CDH2: variants seen among roughly 807,000 people sequenced by gnomAD.
The protein encoded by CDH2 is cadherin 2, also known as cadherin-2.
Under a neutral mutation model 92.0 loss-of-function variants are expected in CDH2, and 17 were observed. The ratio of observed to expected loss-of-function variants is 0.18; its 90% CI spans 0.13 to 0.28. The LOEUF (loss-of-function observed/expected upper bound fraction) is 0.28, where lower values mean the gene tolerates loss of function less well. Among genes scored for constraint, CDH2 ranks in the 10% least tolerant of loss-of-function variants. CDH2 has a pLI of 1.00. For missense variants in CDH2, 862 were observed against 1,133.1 expected, an observed-to-expected ratio of 0.76 and a Z score of 3.44; for synonymous variants, 419 against 415.9, an observed-to-expected ratio of 1.01 and a Z score of -0.09.
At chr18:27,942,061 T>G (rs1311578252) in intron 6 of CDH2, among the ~76,000 whole-genome samples, 2 of 152,296 alleles carry the variant, frequency 1.3e-5, no homozygotes, top group Non-Finnish European at 1.5e-5. Context: ...TGGTAAAAAG[T>G]TCAAAACCTG....
chr18:27,977,204 TG>T (rs987392313), intron 14 of CDH2, among the ~76,000 whole-genome samples: 5 of 152,188 alleles, frequency 3.3e-5, no homozygotes, highest in African/African-American at 1.2e-4. Flanking sequence ...CAGCCCTGTG[TG>T]GAGATAACAC....
In CDH2 at chr18:28,092,710, T is replaced by C. The variant is rs1567995294; in HGVS notation, c.172+54963A>G. 2.0e-5 allele frequency among the ~76,000 whole-genome samples: 3 copies of C among 152,134 alleles called. 1 individual carries two copies. In the South Asian group the frequency reaches 6.2e-4, roughly 32 times the overall value. The stretch of plus-strand genomic sequence containing the variant: ...GAAAAAGTCCCTAATTCAGAGGTGG[T>C]ATCAAATGACATTACTATATTTCTA... On this transcript the variant is annotated intron_variant, in intron 2 of 15. Coordinates refer to ENST00000269141, the MANE Select transcript of CDH2 (RefSeq NM_001792.5).
intron 15 of CDH2, among the ~76,000 whole-genome samples, chr18:27,958,749 G>A (rs927107402): frequency 9.2e-5 from 14 of 152,164 alleles, no homozygotes; most frequent in Non-Finnish European, 4.4e-5. Context: ...GGTTGTGAGA[G>A]GGACCCGGTG....
intron 6 of CDH2, among the ~76,000 whole-genome samples, chr18:27,935,144 C>T (rs1370990790): frequency 6.6e-6 from 1 of 152,128 alleles, no homozygotes; most frequent in African/African-American, 2.4e-5. Flanking sequence ...TAAGTATTGC[C>T]ATGTGTATTA....
At chr18:28,074,599 G>A (rs2014682969) in intron 2 of CDH2, among the ~76,000 whole-genome samples, 1 of 151,236 alleles carries the variant, frequency 6.6e-6, no homozygotes. Context: ...TAAAACTTAT[G>A]AGCCATATAT....
chr18:27,950,580 C>A (rs559342820), downstream of CDH2, among the ~76,000 whole-genome samples: 30 of 152,158 alleles, frequency 2.0e-4, no homozygotes, highest in Admixed American at 5.9e-4. Context: ...GTCCTATAAC[C>A]CACTTTACTG....
intron 2 of CDH2, among the ~76,000 whole-genome samples, chr18:28,103,667 A>G (rs1031889558): frequency 4.0e-5 from 6 of 151,650 alleles, no homozygotes; most frequent in Admixed American, 3.9e-4. Context: ...CCATCCCCTG[A>G]GAGGCCCCAG....
intron 1 of CDH2, among the ~76,000 whole-genome samples, chr18:28,161,467 C>T (rs2016305004): frequency 6.6e-6 from 1 of 151,072 alleles, no homozygotes; most frequent in African/African-American, 2.4e-5. Context: ...GTAGTCCCAG[C>T]TACTTGGGAG....
intron 2 of CDH2, among the ~76,000 whole-genome samples, chr18:28,078,742 C>T (rs970973393): frequency 2.0e-5 from 3 of 151,896 alleles, no homozygotes; most frequent in Admixed American, 1.3e-4. Context: ...CTTTTAAGAC[C>T]CTAACATGTC....
At position 27,988,970 on chromosome 18, in the gene CDH2, C is replaced by A. The variant is rs535382979; in HGVS notation, c.1599-304G>T. 1.6e-4 allele frequency among the ~76,000 whole-genome samples: 25 copies of A among 152,256 alleles called. 1 individual carries two copies. In the South Asian group the frequency reaches 4.6e-3, roughly 28 times the overall value. On this transcript the variant is annotated intron_variant, in intron 10 of 15. Coordinates refer to ENST00000269141, the MANE Select transcript of CDH2 (RefSeq NM_001792.5). ...TATCATTTTAGGTTCTTGTCCACTT[C>A]AACAGATATCAATGGTTCAGGTAAA...
intron 1 of CDH2, among the ~76,000 whole-genome samples, chr18:28,174,531 A>G (rs1226570686): frequency 1.3e-5 from 2 of 152,262 alleles, no homozygotes; most frequent in Non-Finnish European, 2.9e-5. Context: ...TGAGAAAGTT[A>G]TAATTTCTCC....
intron 2 of CDH2, among the ~76,000 whole-genome samples, chr18:28,123,187 A>C (rs541945731): frequency 1.3e-5 from 2 of 152,184 alleles, no homozygotes; most frequent in Admixed American, 1.3e-4. Context: ...TCTCACTAAA[A>C]GCAAATCCTG....
At chr18:28,152,811 G>A (rs1157082560) in intron 1 of CDH2, among the ~76,000 whole-genome samples, 2 of 152,130 alleles carry the variant, frequency 1.3e-5, no homozygotes, top group African/African-American at 4.8e-5. Flanking sequence ...GTGACAACTG[G>A]GAGACAAGCT....
chr18:28,070,600 G>C (rs372410571), intron 2 of CDH2, among the ~76,000 whole-genome samples: 12 of 152,162 alleles, frequency 7.9e-5, no homozygotes, highest in African/African-American at 2.9e-4. Context: ...TCCATTCCTG[G>C]GCTGGACGCT....
At chr18:28,131,342 C>T (rs939249873) in intron 2 of CDH2, among the ~76,000 whole-genome samples, 3 of 151,984 alleles carry the variant, frequency 2.0e-5, no homozygotes, top group African/African-American at 2.4e-5. Flanking sequence ...AATTGTTATA[C>T]CCCAACTTTG....
chr18:28,047,585 C>CCGGCCGGGCGCGG (rs2014101397), intron 2 of CDH2, among the ~76,000 whole-genome samples: 1 of 152,020 alleles, frequency 6.6e-6, no homozygotes, highest in African/African-American at 2.4e-5. Context: ...AAGAATGAAA[C>CCGGCCGGGCGCGG]TGGCCGGGCG....
chr18:28,007,165 A>AAAAATATATATATATATATATAT (rs1172779200), intron 5 of CDH2, among the ~76,000 whole-genome samples: 15 of 110,446 alleles, frequency 1.4e-4, no homozygotes, highest in South Asian at 5.9e-4. Flanking sequence ...ATAAAAAAAA[A>AAAAATATATATATATATATATAT]ATATATATAT....
At chr18:27,963,189 TTTG>T (rs1374284714) in intron 15 of CDH2, among the ~76,000 whole-genome samples, 165 bp downstream of exon 15, 1 of 152,222 alleles carries the variant, frequency 6.6e-6, no homozygotes, top group Non-Finnish European at 1.5e-5. Flanking sequence ...AGCAATTACA[TTTG>T]TTGTTAATGA....
intron 2 of CDH2, among the ~76,000 whole-genome samples, chr18:28,055,602 T>C (rs4800840): frequency 0.19 from 28,896 of 152,200 alleles, 3,064 homozygotes; most frequent in East Asian, 0.36. Flanking sequence ...CTGTATGTTA[T>C]ATATGCGTGA....
Sources: allele counts gnomAD v4.1 joint callset (sites outside exome capture counted in the v4.1 genomes callset), GRCh38; gene constraint gnomAD v4.1.1; transcripts MANE v1.5; gene names NCBI Gene and HGNC (gene_info 2026-07-23, HGNC 2026-07-21).